Variants in PPARD observed in about 807,000 individuals in gnomAD.
PPARD encodes the protein peroxisome proliferator-activated receptor delta.
PPARD carries 6 observed loss-of-function variants against 39.5 expected under a neutral mutation model. The ratio of observed to expected loss-of-function variants is 0.15; its 90% CI spans 0.08 to 0.30. The LOEUF (loss-of-function observed/expected upper bound fraction) is 0.30, where lower values mean the gene tolerates loss of function less well. PPARD is among the 10% of genes least tolerant of loss of function. The pLI is 1.00. For missense variants in PPARD, 397 were observed against 596.8 expected (o/e 0.67, Z 3.49); for synonymous variants, 210 against 231.3 (o/e 0.91, Z 0.83).
chr6:35,346,891 A>G (rs1240972183), intron 1 of PPARD, among the ~76,000 whole-genome samples, 176 bp from the exon 2 acceptor site: 1 of 152,230 alleles, frequency 6.6e-6, no homozygotes, highest in Admixed American at 6.5e-5. Flanking sequence ...GATTGGGGAA[A>G]TATTTGCTGA....
chr6:35,411,312 C>T (rs998480283), intron 3 of PPARD, 95 bp downstream of exon 3: 1 of 1,308,702 alleles, frequency 7.6e-7, no homozygotes, highest in Admixed American at 3.0e-5. Context: ...ATGTGGGGCG[C>T]AGAGTAGCAG....
intron 3 of PPARD, among the ~76,000 whole-genome samples, chr6:35,415,686 G>A (rs1562219757): frequency 6.6e-6 from 1 of 152,026 alleles, no homozygotes; most frequent in African/African-American, 2.4e-5. Flanking sequence ...GAGATGCCGA[G>A]GTTAAGAGCT....
rs200391460 is a variant in PPARD at position 35,426,483 on chromosome 6, A to C, written c.*404A>C. ...TAGAACAGGACCTCTGCTTTTGCAC[A>C]CCTTTTCCCCAGGAGCAGAAGAGAG... On this transcript the variant is annotated 3_prime_UTR_variant, in exon 8 of 8. Transcript: ENST00000360694. The C allele has an allele frequency of 5.0e-6, 1 of 198,178 alleles. No individual in the cohort carries two copies. The highest frequency in any genetic ancestry group is 1.0e-5 in the Non-Finnish European group (1 of 96,820). 12.3% of individuals were successfully genotyped at this position (198,178 alleles called of 1,614,324 possible).
In PPARD at chr6:35,348,213, C is replaced by A. The variant is rs9658073; in HGVS notation, c.-102+1063C>A. 3.9e-3 allele frequency: 1,768 copies of A among 459,026 alleles called. 29 individuals carry two copies. The highest frequency in any genetic ancestry group is 0.029 in the African/African-American group (1,376 of 46,840). 28.4% of individuals were successfully genotyped at this position (459,026 alleles called of 1,614,324 possible). A position where few individuals can be genotyped will look rare whatever the true frequency, so the allele number is the denominator to read the frequency against. The stretch of plus-strand genomic sequence containing the variant: ...GTGAGCCACTGTGCCCAGCCGGGAA[C>A]AAATATTTTTAAGTGCCAACTATGT... On this transcript the variant is annotated intron_variant, in intron 2 of 7. Coordinates refer to ENST00000360694, the MANE Select transcript of PPARD (RefSeq NM_006238.5).
chr6:35,359,498 A>G (rs1012837641), intron 2 of PPARD, among the ~76,000 whole-genome samples: 3 of 151,970 alleles, frequency 2.0e-5, no homozygotes, highest in African/African-American at 7.3e-5. Flanking sequence ...CAGGCTGGCC[A>G]TTCACCGCGT....
chr6:35,400,582 C>G (rs1764640385), intron 2 of PPARD, among the ~76,000 whole-genome samples: 2 of 152,156 alleles, frequency 1.3e-5, no homozygotes, highest in African/African-American at 4.8e-5. Flanking sequence ...GGTGGATAAC[C>G]TGAGCCCAGG....
intron 1 of PPARD, 30 bp from the exon 2 acceptor site, chr6:35,347,037 A>G: frequency 7.0e-7 from 1 of 1,430,690 alleles, no homozygotes; most frequent in Non-Finnish European, 9.5e-7. Context: ...CCTGTCAGCT[A>G]AAGCTGTTGG....
intron 1 of PPARD, among the ~76,000 whole-genome samples, chr6:35,344,736 C>T (rs1404578916): frequency 6.6e-6 from 1 of 152,040 alleles, no homozygotes; most frequent in Admixed American, 6.5e-5. Context: ...TTAGGAGCTG[C>T]GGTGGAGAGC....
intron 2 of PPARD, among the ~76,000 whole-genome samples, chr6:35,392,291 GT>G: frequency 6.6e-6 from 1 of 152,288 alleles, no homozygotes; most frequent in Admixed American, 6.5e-5. Flanking sequence ...AAGCAAACTG[GT>G]TCCTCCCCTG....
rs75813414 is a variant in PPARD, at chr6:35,388,207, G to T, written c.-101-22780G>T. On this transcript the variant is annotated intron_variant, in intron 2 of 7. Transcript: ENST00000360694. ...TGCAAACAAGGAGGAAGTGAGAGGA[G>T]TTGGGGCTCATTTAATGCAGACTAA... Among the ~76,000 whole-genome samples, 176 of 152,220 alleles carry T rather than the reference G, an allele frequency of 1.2e-3. No homozygotes were observed. In the East Asian group the frequency reaches 0.015, roughly 13 times the overall value.
intron 2 of PPARD, among the ~76,000 whole-genome samples, chr6:35,371,952 C>T (rs1762502618): frequency 6.6e-6 from 1 of 152,226 alleles, no homozygotes. Context: ...TCCACTAACT[C>T]CTAGGTCAGA....
rs75866013 is a variant in PPARD, at chr6:35,376,436, T to A, written c.-102+29286T>A. On this transcript the variant is annotated intron_variant, in intron 2 of 7. Transcript: ENST00000360694. ...TATTTCTGATTCTTGGGATGCTACT[T>A]CTCTTTTTGTGTCTGAGGCTTGCCC... Among the ~76,000 whole-genome samples the A allele has an allele frequency of 6.4e-4, 98 of 152,310 alleles. No individual in the cohort carries two copies. In the East Asian group the frequency reaches 0.015, roughly 23 times the overall value.
At chr6:35,398,494 G>C (rs1184272999) in intron 2 of PPARD, among the ~76,000 whole-genome samples, 3 of 152,202 alleles carry the variant, frequency 2.0e-5, no homozygotes, top group African/African-American at 7.2e-5. Context: ...CCGTGTGGAG[G>C]TGTCAGAGAA....
At chr6:35,364,662 C>T (rs1337356364) in intron 2 of PPARD, among the ~76,000 whole-genome samples, 3 of 151,488 alleles carry the variant, frequency 2.0e-5, no homozygotes, top group African/African-American at 7.3e-5. Context: ...TGGTCTCAAA[C>T]TCCTGACCTC....
intron 2 of PPARD, among the ~76,000 whole-genome samples, chr6:35,354,982 G>C (rs1761490956): frequency 6.6e-6 from 1 of 152,142 alleles, no homozygotes; most frequent in African/African-American, 2.4e-5. Flanking sequence ...TCTTCCCTGT[G>C]AGGATTAAAA....
At chr6:35,380,191 A>AGTCTATAG (rs1279559205) in intron 2 of PPARD, among the ~76,000 whole-genome samples, 1 of 152,192 alleles carries the variant, frequency 6.6e-6, no homozygotes, top group African/African-American at 2.4e-5. Flanking sequence ...TGAGTTAGGT[A>AGTCTATAG]GTCTATAGTC....
chr6:35,421,046 C>T (rs1438074677), intron 4 of PPARD, among the ~76,000 whole-genome samples: 8 of 151,848 alleles, frequency 5.3e-5, no homozygotes, highest in African/African-American at 1.7e-4. Flanking sequence ...AGGCTGGTCT[C>T]GAACTCCTGA....
intron 2 of PPARD, among the ~76,000 whole-genome samples, chr6:35,365,304 G>T (rs552826389): frequency 6.8e-6 from 1 of 147,470 alleles, no homozygotes; most frequent in Non-Finnish European, 1.5e-5. Context: ...GCTAATTTTT[G>T]TGTGTGTGTG....
chr6:35,399,920 C>T (rs1179328524), intron 2 of PPARD, among the ~76,000 whole-genome samples: 4 of 152,110 alleles, frequency 2.6e-5, no homozygotes, highest in Admixed American at 2.6e-4. Context: ...TATTATTGGG[C>T]ATTGGGCCAT....
Sources: allele counts gnomAD v4.1 joint callset (sites outside exome capture counted in the v4.1 genomes callset), GRCh38; gene constraint gnomAD v4.1.1; transcripts MANE v1.5; gene names NCBI Gene and HGNC (gene_info 2026-07-23, HGNC 2026-07-21).